The following SFXN4 variants were observed in gnomAD, a reference collection of about 807,000 sequenced individuals.
SFXN4 encodes the protein sideroflexin-4.
SFXN4 carries 48 observed loss-of-function variants against 54.6 expected under a neutral mutation model. That is an observed-to-expected ratio of 0.88 (90% confidence interval 0.70 to 1.12). The LOEUF (loss-of-function observed/expected upper bound fraction) is 1.12. SFXN4 is among the 50% of genes most tolerant of loss of function. The probability of loss-of-function intolerance (pLI) is 0.00; values close to 1 mark genes in which losing one functional copy is unlikely to be tolerated. For synonymous variants in SFXN4, 130 were observed against 145.5 expected (o/e 0.89, Z 0.77); for missense variants, 383 against 409.2 (o/e 0.94, Z 0.55).
chr10:119,143,476 C>T (rs567111987), intron 13 of SFXN4, among the ~76,000 whole-genome samples: 2 of 152,178 alleles, frequency 1.3e-5, no homozygotes, highest in East Asian at 3.9e-4. Context: ...GCTAGGACTA[C>T]AGGCACATAC....
chr10:119,158,413 G>T (rs1039292961), intron 6 of SFXN4, among the ~76,000 whole-genome samples: 1 of 151,874 alleles, frequency 6.6e-6, no homozygotes, highest in Non-Finnish European at 1.5e-5. Context: ...TTGAGGCCAG[G>T]AGTTGACCAG....
chr10:119,146,464 C>CTGTGTGTGTGTGTGTGTGTGTGTGTGT, intron 12 of SFXN4, 111 bp from the exon 13 acceptor site: 1 of 486,526 alleles, frequency 2.1e-6, no homozygotes, highest in Admixed American at 3.2e-5. Flanking sequence ...TGTGTGTGCA[C>CTGTGTGTGTGTGTGTGTGTGTGTGTGT]GTGTGTGTGT....
At chr10:119,162,128 A>G in intron 3 of SFXN4, 1 of 550,266 alleles carries the variant, frequency 1.8e-6, no homozygotes, top group Non-Finnish European at 3.2e-6. Context: ...AACTACATTT[A>G]AAAAACTAAC....
Position 119,157,975 on chromosome 10 carries a change from A to G in SFXN4, c.414+34T>C, listed in dbSNP as rs539841217. 12 of 1,614,130 alleles carry G rather than the reference A, an allele frequency of 7.4e-6. No individual in the cohort carries two copies. In the Admixed American group the frequency reaches 1.7e-4, roughly 22 times the overall value. On this transcript the variant is annotated intron_variant, in intron 7 of 13. Coordinates refer to ENST00000355697, the MANE Select transcript of SFXN4 (RefSeq NM_213649.2). ...CGCATTTTCGTTTCAAGCATAACAG[A>G]ATTTAGTAATCGTGAAACAGGAAGA...
intron 13 of SFXN4, among the ~76,000 whole-genome samples, chr10:119,144,374 A>G (rs529790229): frequency 6.6e-5 from 10 of 152,106 alleles, no homozygotes; most frequent in South Asian, 4.1e-4. Context: ...GGAGAATGGC[A>G]TGAACCCGAG....
At chr10:119,150,018 C>T (rs1245834695) in intron 11 of SFXN4, among the ~76,000 whole-genome samples, 1 of 152,196 alleles carries the variant, frequency 6.6e-6, no homozygotes, top group East Asian at 1.9e-4. Context: ...GCCCTGTTAC[C>T]ATCAGATATT....
Position 119,162,990 on chromosome 10 carries a change from G to A in SFXN4, c.178-576C>T, listed in dbSNP as rs141270197. On this transcript the variant is annotated intron_variant, in intron 2 of 13. Coordinates refer to ENST00000355697, the MANE Select transcript of SFXN4 (RefSeq NM_213649.2). ...TTCTATTTTTATTTGTACAGATAGG[G>A]TCTCGCTACATTGCCCAGGCTGGTC... Among the ~76,000 whole-genome samples the A allele has an allele frequency of 4.4e-3, 669 of 152,148 alleles. 9 individuals are homozygous for A. The highest frequency in any genetic ancestry group is 1.1e-3 in the Non-Finnish European group (73 of 67,994).
chr10:119,146,474 TAC>T lies in SFXN4; in HGVS notation c.819-123_819-122del. ...GTGTGTGTGTGTGCACGTGTGTGTG[TAC>T]CTGAACACCTGGATCAGGGCCTGTT... On this transcript the variant is annotated intron_variant, in intron 12 of 13. Transcript: ENST00000355697. The T allele has an allele frequency of 7.6e-6, 4 of 526,286 alleles. No homozygotes were observed. In the Admixed American group the frequency reaches 1.2e-4, roughly 16 times the overall value. 32.6% of individuals were successfully genotyped at this position (526,286 alleles called of 1,614,324 possible).
chr10:119,162,509 C>T (rs1485909060), intron 2 of SFXN4, 95 bp from the exon 3 acceptor site: 2 of 955,546 alleles, frequency 2.1e-6, no homozygotes, highest in Non-Finnish European at 1.7e-6. Context: ...CCAGCATGCA[C>T]TGGACTTCGA....
intron 6 of SFXN4, 72 bp from the exon 7 acceptor site, chr10:119,158,134 T>C (rs987977325): frequency 7.0e-7 from 1 of 1,419,696 alleles, no homozygotes; most frequent in African/African-American, 1.4e-5. Context: ...CAAAGAACTT[T>C]CCAGGGGAGA....
intron 3 of SFXN4, among the ~76,000 whole-genome samples, chr10:119,161,826 T>C (rs1412531264): frequency 6.6e-6 from 1 of 152,136 alleles, no homozygotes; most frequent in Admixed American, 6.6e-5. Flanking sequence ...CAGCCCAGGG[T>C]CCCCAGCACA....
At chr10:119,146,680 T>G (rs374697363) in intron 12 of SFXN4, among the ~76,000 whole-genome samples, 2 of 152,146 alleles carry the variant, frequency 1.3e-5, no homozygotes, top group East Asian at 1.9e-4. Context: ...GCAATTCTCC[T>G]GCCTCAGCCT....
At chr10:119,142,726 A>ATTTTTTTT (rs573311460) in intron 13 of SFXN4, among the ~76,000 whole-genome samples, 2 of 77,440 alleles carry the variant, frequency 2.6e-5, no homozygotes, top group Admixed American at 1.7e-4. Context: ...AATGTTTTGA[A>ATTTTTTTT]TTTTTTTTTT....
Position 119,155,477 on chromosome 10 carries a change from T to C in SFXN4, c.617-300A>G, listed in dbSNP as rs527415030. ...GAAACCCTGGGATCTTGGAAACATA[T>C]TCCTCCCTCGTCTTTGCTTAAGTTT... On this transcript the variant is annotated intron_variant, in intron 10 of 13. Coordinates refer to ENST00000355697, the MANE Select transcript of SFXN4 (RefSeq NM_213649.2). Among the ~76,000 whole-genome samples, 5 of 152,080 alleles carry C rather than the reference T, an allele frequency of 3.3e-5. No homozygotes were observed. In the South Asian group the frequency reaches 1.0e-3, roughly 32 times the overall value.
In SFXN4 at chr10:119,162,003, C is replaced by T. The variant is rs1005234569; in HGVS notation, c.252+337G>A. On this transcript the variant is annotated intron_variant, in intron 3 of 13. Transcript: ENST00000355697. ...TGGAGAATGAATTCTGACGTCAGAGCCCTGTCTGAATTCTGGGGTTTGCCA... is the reference window on the plus strand; with the variant it reads ...TGGAGAATGAATTCTGACGTCAGAGTCCTGTCTGAATTCTGGGGTTTGCCA... The T allele has an allele frequency of 8.2e-6, 3 of 366,048 alleles. No homozygotes were observed. In the Admixed American group the frequency reaches 1.4e-4, roughly 17 times the overall value. The allele number at this position is 366,048 out of a possible 1,614,324, so 22.7% of individuals were successfully genotyped here.
At chr10:119,145,033 G>C (rs1204361669) in intron 13 of SFXN4, among the ~76,000 whole-genome samples, 1 of 152,088 alleles carries the variant, frequency 6.6e-6, no homozygotes, top group African/African-American at 2.4e-5. Flanking sequence ...ATGAAATATT[G>C]TTAAGAAAAA....
chr10:119,161,317 C>T (rs1847522161), intron 3 of SFXN4, among the ~76,000 whole-genome samples: 1 of 151,504 alleles, frequency 6.6e-6, no homozygotes, highest in Non-Finnish European at 1.5e-5. Flanking sequence ...TGGGGTCTTG[C>T]TATACGGCCC....
chr10:119,164,772 C>CT (rs892120657), intron 1 of SFXN4, among the ~76,000 whole-genome samples: 1 of 151,764 alleles, frequency 6.6e-6, no homozygotes, highest in African/African-American at 2.4e-5. Flanking sequence ...ATTTCCCCAC[C>CT]TAAAAAAAAA....
At chr10:119,161,669 G>C (rs1242412551) in intron 3 of SFXN4, among the ~76,000 whole-genome samples, 2 of 152,152 alleles carry the variant, frequency 1.3e-5, no homozygotes, top group East Asian at 3.8e-4. Flanking sequence ...AAAAAGTCCT[G>C]TCTCTACCCT....
Sources: allele counts gnomAD v4.1 joint callset (sites outside exome capture counted in the v4.1 genomes callset), GRCh38; gene constraint gnomAD v4.1.1; transcripts MANE v1.5; gene names NCBI Gene and HGNC (gene_info 2026-07-23, HGNC 2026-07-21).